GLRA3: variants seen among roughly 807,000 people sequenced by gnomAD.
The protein encoded by GLRA3 is glycine receptor alpha 3, also known as glycine receptor subunit alpha-3.
Under a neutral mutation model 60.4 loss-of-function variants are expected in GLRA3, and 44 were observed. The observed-to-expected ratio is 0.73, with a 90% CI of 0.57 to 0.94. The LOEUF is 0.94. GLRA3 is among the 40% of genes least tolerant of loss of function. The probability of loss-of-function intolerance (pLI) is 0.00; values close to 1 mark genes in which losing one functional copy is unlikely to be tolerated. For missense variants in GLRA3, 508 were observed against 564.6 expected, an observed-to-expected ratio of 0.90 and a Z score of 1.02; for synonymous variants, 223 against 192.9, an observed-to-expected ratio of 1.16 and a Z score of -1.29.
At chr4:174,754,453 G>C (rs573955192) in intron 3 of GLRA3, among the ~76,000 whole-genome samples, 10 of 152,060 alleles carry the variant, frequency 6.6e-5, no homozygotes, top group Non-Finnish European at 8.8e-5. Context: ...GATGTAAACA[G>C]ATATAATTTT....
chr4:174,692,423 C>A (rs1258012556), intron 5 of GLRA3, among the ~76,000 whole-genome samples: 1 of 151,318 alleles, frequency 6.6e-6, no homozygotes. Context: ...CCGGCCACCA[C>A]CCCATCTGGG....
At chr4:174,799,125 T>C (rs562668211) in intron 1 of GLRA3, among the ~76,000 whole-genome samples, 13 of 152,316 alleles carry the variant, frequency 8.5e-5, no homozygotes, top group African/African-American at 2.9e-4. Context: ...AAATGATAGC[T>C]GCTTCCTGAT....
intron 2 of GLRA3, among the ~76,000 whole-genome samples, chr4:174,780,727 A>G (rs1579595884): frequency 1.3e-5 from 2 of 151,836 alleles, no homozygotes; most frequent in South Asian, 2.1e-4. Context: ...AGGCCATTAC[A>G]TAATGGTAAA....
At chr4:174,824,318 T>C (rs1740869362) in intron 1 of GLRA3, among the ~76,000 whole-genome samples, 1 of 152,238 alleles carries the variant, frequency 6.6e-6, no homozygotes, top group African/African-American at 2.4e-5. Context: ...TTTCTTTACA[T>C]AGCTCTTAAA....
At chr4:174,717,583 A>C (rs1735975003) in intron 4 of GLRA3, among the ~76,000 whole-genome samples, 1 of 152,194 alleles carries the variant, frequency 6.6e-6, no homozygotes, top group Admixed American at 6.5e-5. Flanking sequence ...ATGGAGAGAC[A>C]GTGAAGCTGC....
chr4:174,721,226 A>C (rs566277099), intron 4 of GLRA3, among the ~76,000 whole-genome samples: 1 of 152,150 alleles, frequency 6.6e-6, no homozygotes, highest in African/African-American at 2.4e-5. Context: ...ACGGGGTTTC[A>C]CCGTGTTGGC....
chr4:174,817,536 G>A lies in GLRA3; in HGVS notation c.71+11205C>T, dbSNP rs562381763. Among the ~76,000 whole-genome samples, 258 of 152,198 alleles carry A rather than the reference G, an allele frequency of 1.7e-3. 1 individual carries two copies. Among genetic ancestry groups the A allele is most frequent in the Middle Eastern group, 3.4e-3 (1 of 294 alleles). ...TTCATCCCTTATTTACTTTCTTGCCGTTCAACAGCCCTCACTTCTACTATA... is the reference window on the plus strand; with the variant it reads ...TTCATCCCTTATTTACTTTCTTGCCATTCAACAGCCCTCACTTCTACTATA... On this transcript the variant is annotated intron_variant, in intron 1 of 9. Coordinates refer to ENST00000274093, the MANE Select transcript of GLRA3 (RefSeq NM_006529.4).
intron 5 of GLRA3, among the ~76,000 whole-genome samples, chr4:174,685,959 G>A (rs537498773): frequency 6.6e-6 from 1 of 152,146 alleles, no homozygotes; most frequent in Non-Finnish European, 1.5e-5. Flanking sequence ...AATGAAACTA[G>A]CTTTATGAAA....
intron 5 of GLRA3, among the ~76,000 whole-genome samples, chr4:174,710,332 AT>A (rs1735672077): frequency 6.6e-6 from 1 of 152,082 alleles, no homozygotes; most frequent in South Asian, 2.1e-4. Flanking sequence ...TTGAACAAAA[AT>A]TTTCACAAAA....
At chr4:174,813,344 C>A (rs1740344795) in intron 1 of GLRA3, among the ~76,000 whole-genome samples, 1 of 152,104 alleles carries the variant, frequency 6.6e-6, no homozygotes, top group African/African-American at 2.4e-5. Flanking sequence ...CTGACTTTGC[C>A]ACCAAAATTA....
intron 1 of GLRA3, among the ~76,000 whole-genome samples, chr4:174,791,461 C>T (rs1561121907): frequency 2.0e-5 from 3 of 152,140 alleles, no homozygotes; most frequent in South Asian, 4.2e-4. Context: ...CTACAGTTGC[C>T]ATTGGAAACG....
At chr4:174,721,493 C>CTT (rs140249892) in intron 4 of GLRA3, among the ~76,000 whole-genome samples, 2 of 150,322 alleles carry the variant, frequency 1.3e-5, no homozygotes, top group East Asian at 2.0e-4. Context: ...CATATATAAA[C>CTT]AAGTAATAAT....
rs577846452 is a variant in GLRA3 at position 174,817,427 on chromosome 4, T to C, written c.71+11314A>G. 5.3e-5 allele frequency among the ~76,000 whole-genome samples: 8 copies of C among 152,310 alleles called. No individual in the cohort carries two copies. The East Asian group carries it at 1.4e-3, about 26-fold the overall frequency. The stretch of plus-strand genomic sequence containing the variant: ...TTACTCTTGAAAGGGAGAAAAATCT[T>C]TCTTAAACCAATGCTATTGTGCACT... On this transcript the variant is annotated intron_variant, in intron 1 of 9. Transcript: ENST00000274093.
At chr4:174,756,958 T>C (rs2111211097) in intron 3 of GLRA3, among the ~76,000 whole-genome samples, 1 of 152,330 alleles carries the variant, frequency 6.6e-6, no homozygotes, top group South Asian at 2.1e-4. Context: ...ATGCCATTCT[T>C]AATTGTGAAA....
chr4:174,758,087 T>A (rs532187528), intron 3 of GLRA3, among the ~76,000 whole-genome samples: 1 of 152,278 alleles, frequency 6.6e-6, no homozygotes, highest in South Asian at 2.1e-4. Flanking sequence ...ACTTCTGCCA[T>A]GAGTGGAAGT....
intron 1 of GLRA3, among the ~76,000 whole-genome samples, chr4:174,823,691 T>A (rs904098799): frequency 6.6e-6 from 1 of 152,186 alleles, no homozygotes; most frequent in African/African-American, 2.4e-5. Flanking sequence ...TTCTCCAAAA[T>A]AATTCCCTGA....
chr4:174,820,615 G>C (rs1356671179), intron 1 of GLRA3, among the ~76,000 whole-genome samples: 1 of 152,136 alleles, frequency 6.6e-6, no homozygotes, highest in Non-Finnish European at 1.5e-5. Flanking sequence ...AATGTGAAAT[G>C]AGTTAAACAG....
At chr4:174,793,841 T>C (rs1056720909) in intron 1 of GLRA3, among the ~76,000 whole-genome samples, 6 of 152,106 alleles carry the variant, frequency 3.9e-5, no homozygotes, top group African/African-American at 1.2e-4. Flanking sequence ...TATCTTTTCA[T>C]ATATATTTTC....
At chr4:174,666,316 C>T (rs143653494) in intron 7 of GLRA3, among the ~76,000 whole-genome samples, 3 of 152,004 alleles carry the variant, frequency 2.0e-5, no homozygotes, top group African/African-American at 4.8e-5. Context: ...TAGTAGACAA[C>T]GTATGAAAAG....
Sources: allele counts gnomAD v4.1 joint callset (sites outside exome capture counted in the v4.1 genomes callset), GRCh38; gene constraint gnomAD v4.1.1; transcripts MANE v1.5; gene names NCBI Gene and HGNC (gene_info 2026-07-23, HGNC 2026-07-21).